Variants in FMNL3 observed in about 807,000 individuals in gnomAD.
FMNL3 encodes the protein formin like 3.
FMNL3 carries 57 observed loss-of-function variants against 119.6 expected under a neutral mutation model. The ratio of observed to expected loss-of-function variants is 0.48; its 90% CI spans 0.39 to 0.59. The LOEUF (loss-of-function observed/expected upper bound fraction) is 0.59, where lower values mean the gene tolerates loss of function less well. FMNL3 is among the 20% of genes least tolerant of loss of function. The pLI is 0.00. For missense variants in FMNL3, 1,053 were observed against 1,323.5 expected, an observed-to-expected ratio of 0.80 and a Z score of 3.17; for synonymous variants, 491 against 507.3, an observed-to-expected ratio of 0.97 and a Z score of 0.43.
At chr12:49,685,802 C>T (rs1444943236) in intron 1 of FMNL3, among the ~76,000 whole-genome samples, 1 of 152,202 alleles carries the variant, frequency 6.6e-6, no homozygotes, top group Non-Finnish European at 1.5e-5. Context: ...TGCGGTGGCT[C>T]ACAACTGTAA....
Position 49,668,502 on chromosome 12 carries a change from T to A in FMNL3, c.179A>T (p.Asn60Ile). 1 of 1,614,184 alleles carries A rather than the reference T, an allele frequency of 6.2e-7. No homozygotes were observed. Among genetic ancestry groups the A allele is most frequent in the Non-Finnish European group, 8.5e-7 (1 of 1,180,022 alleles). The change falls in exon 2 of 26, where the codon AAT becomes ATT. Residue 60 changes from asparagine (N) to isoleucine (I), a missense_variant. By Grantham distance (149) the Asn-to-Ile change is moderately radical. This residue lies in a region of FMNL3 where 264 missense variants were observed against 265.5 expected (regional missense o/e 0.99). Coordinates refer to ENST00000335154, the MANE Select transcript of FMNL3 (RefSeq NM_175736.5). ...ACAGATCAGATCCCATTTCTTCTCATTGTCATACTGCCGCAGGAGCCGGGC... is the reference window on the plus strand; with the variant it reads ...ACAGATCAGATCCCATTTCTTCTCAATGTCATACTGCCGCAGGAGCCGGGC... ...DKARLLRQYDNEKKWDLICDQ... is the reference protein window; with the variant it reads ...DKARLLRQYDIEKKWDLICDQ...
In FMNL3 at chr12:49,647,467, T is replaced by C. The variant is rs1281517092; in HGVS notation, c.2779-99A>G. On this transcript the variant is annotated intron_variant, in intron 23 of 25. Transcript: ENST00000335154. This position sits in a 1 kb window ranked among gnomAD's most constrained non-coding sequence, Gnocchi z 4.9. ...GAGAGTGGGTGGCAGTGGGACCCGC[T>C]AACTCCAGGTGGCCACCCTCTGGAG... 3.7e-6 allele frequency: 5 copies of C among 1,339,454 alleles called. No homozygotes were observed. Among genetic ancestry groups the C allele is most frequent in the African/African-American group, 1.4e-5 (1 of 69,652 alleles). 83.0% of individuals were successfully genotyped at this position (1,339,454 alleles called of 1,614,324 possible).
Position 49,665,880 on chromosome 12 carries a change from G to A in FMNL3, c.320C>T (p.Thr107Ile), listed in dbSNP as rs753610636. 1.2e-6 allele frequency: 2 copies of A among 1,614,074 alleles called. No individual in the cohort carries two copies. Among genetic ancestry groups the A allele is most frequent in the African/African-American group, 1.3e-5 (1 of 74,918 alleles). ...GATCTCCAGCTCCCTTAGTACTTTG[G>A]TTGACTCCTGCACCCTCCTCCTGAA... Reference protein sequence around the residue: ...KKFRRRVQESTKVLRELEISL... With the variant: ...KKFRRRVQESIKVLRELEISL... The change falls in exon 4 of 26, where the codon ACC (threonine) becomes ATC (isoleucine). Residue 107 changes from threonine (T) to isoleucine (I), a missense_variant. By Grantham distance (89) the Thr-to-Ile change is moderately conservative (BLOSUM62 -1). Coordinates refer to ENST00000335154, the MANE Select transcript of FMNL3 (RefSeq NM_175736.5).
intron 4 of FMNL3, among the ~76,000 whole-genome samples, chr12:49,665,583 C>G (rs1943867611): frequency 6.6e-6 from 1 of 152,202 alleles, no homozygotes; most frequent in Admixed American, 6.5e-5. Context: ...AAGCCACAGG[C>G]AGAGGACCCC....
intron 2 of FMNL3, among the ~76,000 whole-genome samples, chr12:49,666,733 GCTA>G (rs1227748191): frequency 1.3e-5 from 2 of 151,964 alleles, no homozygotes; most frequent in African/African-American, 4.8e-5. Flanking sequence ...GGAGTTTGAG[GCTA>G]CAGTAAGATA....
intron 1 of FMNL3, among the ~76,000 whole-genome samples, chr12:49,694,148 G>A (rs1237193116): frequency 6.6e-6 from 1 of 152,026 alleles, no homozygotes; most frequent in Admixed American, 6.6e-5. Context: ...TCGAACTCCT[G>A]GCCTCAAGTG....
rs200871617 is a variant in FMNL3, at chr12:49,645,851, C to A, written c.3048G>T (p.Pro1016=). 2 of 1,606,548 alleles carry A rather than the reference C, an allele frequency of 1.2e-6. No individual in the cohort carries two copies. Among genetic ancestry groups the A allele is most frequent in the Non-Finnish European group, 1.7e-6 (2 of 1,177,218 alleles). ...VVRHQARSAA[P]PSGPPRAPGP... ...CTGGAGCCCGAGGGGGACCACTGGG[C>A]GGTGCAGCACTCCTGGCTTGGTGGC... The change falls in exon 26 of 26, where the codon CCG becomes CCT. Residue 1016 remains proline (P), a synonymous_variant. Transcript: ENST00000335154.
intron 5 of FMNL3, among the ~76,000 whole-genome samples, 174 bp from the exon 6 acceptor site, chr12:49,658,768 G>A (rs1275908705): frequency 1.3e-5 from 2 of 151,872 alleles, no homozygotes; most frequent in Non-Finnish European, 2.9e-5. Context: ...CTAGCTGGAA[G>A]AGCCACTAAC....
In FMNL3 at chr12:49,653,951, T is replaced by G. The variant is rs1202860089; in HGVS notation, c.1072-77A>C. ...GGGGAACTTTCTGAGAAAGTCTTAG[T>G]CCTCATCCCCCTTCGCCACCACTTC... On this transcript the variant is annotated intron_variant, in intron 11 of 25. Transcript: ENST00000335154. The G allele has an allele frequency of 4.5e-6, 7 of 1,546,244 alleles. No homozygotes were observed. In the East Asian group the frequency reaches 1.2e-4, roughly 25 times the overall value.
chr12:49,669,227 A>G (rs1194092278), intron 1 of FMNL3, among the ~76,000 whole-genome samples: 1 of 152,226 alleles, frequency 6.6e-6, no homozygotes, highest in African/African-American at 2.4e-5. Context: ...CCAGACTTTA[A>G]TTGTTAGTAG....
intron 21 of FMNL3, 128 bp from the exon 22 acceptor site, chr12:49,648,481 C>T: frequency 2.1e-6 from 2 of 970,690 alleles, no homozygotes; most frequent in Non-Finnish European, 2.9e-6. Context: ...CCTGTATGGA[C>T]ATAAGGAAGT....
chr12:49,651,412 G>A lies in FMNL3; in HGVS notation c.1642C>T (p.Pro548Ser), dbSNP rs769350147. Residue 548 changes from proline to serine, a missense_variant, in exon 15 of 26, where the codon CCC (proline) becomes TCC (serine). Around this residue, in one of 4 missense-constraint regions of FMNL3, gnomAD observed 445 missense variants for 628.4 expected, o/e 0.71. Coordinates refer to ENST00000335154, the MANE Select transcript of FMNL3 (RefSeq NM_175736.5). ...PPAPPLPGAA[P>S]SVVLTVGLSA... ...AGGCCCACTGTCAACACCACAGAGG[G>A]TGCAGCACCAGGGAGAGGTGGGGCT... The A allele has an allele frequency of 6.6e-7, 1 of 1,524,790 alleles. No homozygotes were observed. 94.5% of individuals were successfully genotyped at this position (1,524,790 alleles called of 1,614,324 possible).
intron 1 of FMNL3, among the ~76,000 whole-genome samples, chr12:49,677,259 C>T (rs1246084106): frequency 2.0e-5 from 3 of 152,172 alleles, no homozygotes; most frequent in Admixed American, 6.5e-5. Context: ...AATGTTTCTT[C>T]ACCTTTTCTT....
At position 49,640,063 on chromosome 12, in the gene FMNL3, C is replaced by T. The variant is rs1212936654; in HGVS notation, c.*5752G>A. 1 of 152,202 alleles carries T rather than the reference C, an allele frequency of 6.6e-6. No homozygotes were observed. The highest frequency in any genetic ancestry group is 1.5e-5 in the Non-Finnish European group (1 of 68,050). 9.4% of individuals were successfully genotyped at this position (152,202 alleles called of 1,614,324 possible). ...GCAACTTTTTTAGACAGTTCCCTTC[C>T]TCTTTCCCCATTTGGGTTCCTGCCT... On this transcript the variant is annotated 3_prime_UTR_variant, in exon 26 of 26. Transcript: ENST00000335154.
In FMNL3 at chr12:49,707,336, T is replaced by C. The variant is rs1263089938; in HGVS notation, c.-156A>G. ...CGCCGGGGGTTCCCTGGAGTCCCGCTGGCGGGGGCGCGCGGCGAGGGCGGA... is the reference window on the plus strand; with the variant it reads ...CGCCGGGGGTTCCCTGGAGTCCCGCCGGCGGGGGCGCGCGGCGAGGGCGGA... On this transcript the variant is annotated 5_prime_UTR_variant, in exon 1 of 26. Coordinates refer to ENST00000335154, the MANE Select transcript of FMNL3 (RefSeq NM_175736.5). The C allele has an allele frequency of 5.0e-6, 3 of 595,544 alleles. No homozygotes were observed. Among genetic ancestry groups the C allele is most frequent in the Non-Finnish European group, 7.7e-6 (3 of 388,440 alleles). The allele number at this position is 595,544 out of a possible 1,614,324, so 36.9% of individuals were successfully genotyped here.
Position 49,637,276 on chromosome 12 carries a change from T to C in FMNL3, c.*8539A>G. 1.7e-6 allele frequency: 1 copy of C among 598,636 alleles called. No homozygotes were observed. Among genetic ancestry groups the C allele is most frequent in the African/African-American group, 1.9e-5 (1 of 54,014 alleles). The allele number at this position is 598,636 out of a possible 1,614,324, so 37.1% of individuals were successfully genotyped here. The stretch of plus-strand genomic sequence containing the variant: ...CTCACCTTTTTGTTCTGTCCCTCTC[T>C]GTGTATTTACTTTCTCTCTTTTTGC... On this transcript the variant is annotated 3_prime_UTR_variant, in exon 26 of 26. Coordinates refer to ENST00000335154, the MANE Select transcript of FMNL3 (RefSeq NM_175736.5).
chr12:49,705,067 A>C (rs1945011310), intron 1 of FMNL3, among the ~76,000 whole-genome samples: 1 of 152,182 alleles, frequency 6.6e-6, no homozygotes, highest in Non-Finnish European at 1.5e-5. Context: ...CCCAGAGAAG[A>C]ACTCAAATCC....
chr12:49,673,513 A>G (rs1396008618), intron 1 of FMNL3, among the ~76,000 whole-genome samples: 4 of 152,276 alleles, frequency 2.6e-5, no homozygotes, highest in Non-Finnish European at 5.9e-5. Context: ...GACAGAGTGT[A>G]AGGAACGGCC....
At chr12:49,659,951 G>A in intron 5 of FMNL3, 1 of 985,464 alleles carries the variant, frequency 1.0e-6, no homozygotes, top group Non-Finnish European at 1.2e-6. Context: ...CACAGAGGTT[G>A]AGGCTTTCTG....
Sources: gnomAD v4.1 joint callset for allele counts (sites outside exome capture counted in the v4.1 genomes callset) on GRCh38, gnomAD v4.1.1 for gene constraint, gnomAD v4.1.1 regional missense constraint, Gnocchi (gnomAD v3.1) non-coding constraint, MANE v1.5 for transcripts, NCBI Gene and HGNC (gene_info 2026-07-23, HGNC 2026-07-21) for gene names.